Variants in BZW2 observed in about 807,000 individuals in gnomAD.
BZW2 encodes eIF5-mimic protein 1.
A neutral mutation model predicts 53.2 loss-of-function variants in BZW2; 23 were observed. The observed-to-expected ratio is 0.43, with a 90% confidence interval of 0.31 to 0.61. The LOEUF (loss-of-function observed/expected upper bound fraction) is 0.61, where lower values mean the gene tolerates loss of function less well. BZW2 is among the 20% of genes least tolerant of loss of function. BZW2 has a pLI of 0.09. For missense variants in BZW2, 409 were observed against 503.1 expected (o/e 0.81, Z 1.79); for synonymous variants, 227 against 186.4 (o/e 1.22, Z -1.77).
chr7:16,697,726 T>C (rs1783544759), intron 9 of BZW2, among the ~76,000 whole-genome samples: 1 of 152,216 alleles, frequency 6.6e-6, no homozygotes, highest in African/African-American at 2.4e-5. Context: ...ATATTAAAGA[T>C]AATTGCTGGC....
chr7:16,666,823 C>G (rs1260121435), intron 2 of BZW2, among the ~76,000 whole-genome samples: 1 of 152,154 alleles, frequency 6.6e-6, no homozygotes, highest in Non-Finnish European at 1.5e-5. Flanking sequence ...GAGACAAGGT[C>G]TTGCTATGTT....
intron 2 of BZW2, among the ~76,000 whole-genome samples, chr7:16,673,243 G>A (rs1782664088): frequency 6.6e-6 from 1 of 152,118 alleles, no homozygotes; most frequent in Non-Finnish European, 1.5e-5. Flanking sequence ...ACCACGCCCG[G>A]CCTTGTCTTA....
intron 2 of BZW2, among the ~76,000 whole-genome samples, chr7:16,672,677 A>G (rs1006008000): frequency 6.6e-6 from 1 of 152,172 alleles, no homozygotes; most frequent in African/African-American, 2.4e-5. Flanking sequence ...CTTTACCTTT[A>G]ATCCACTCAT....
intron 1 of BZW2, among the ~76,000 whole-genome samples, chr7:16,661,696 A>G (rs1228487934): frequency 2.0e-5 from 3 of 152,140 alleles, no homozygotes; most frequent in Non-Finnish European, 4.4e-5. Context: ...CAAGAAATGT[A>G]GTCTCTTAGG....
At chr7:16,679,954 G>A (rs920302017) in intron 3 of BZW2, among the ~76,000 whole-genome samples, 2 of 152,122 alleles carry the variant, frequency 1.3e-5, no homozygotes, top group African/African-American at 4.8e-5. Context: ...AGGACCCTTT[G>A]AATATGGAAA....
intron 10 of BZW2, among the ~76,000 whole-genome samples, chr7:16,700,320 A>C (rs1421143138): frequency 1.3e-5 from 2 of 152,164 alleles, no homozygotes; most frequent in African/African-American, 2.4e-5. Context: ...TACTGTGTTA[A>C]CTATGTTTAC....
intron 1 of BZW2, among the ~76,000 whole-genome samples, chr7:16,648,997 G>C (rs1429679625): frequency 2.0e-5 from 3 of 152,208 alleles, no homozygotes; most frequent in Middle Eastern, 3.4e-3. Context: ...TTTGTACATG[G>C]AGGATATTGA....
At chr7:16,673,810 T>C (rs898679454) in intron 2 of BZW2, among the ~76,000 whole-genome samples, 1 of 152,134 alleles carries the variant, frequency 6.6e-6, no homozygotes, top group Non-Finnish European at 1.5e-5. Flanking sequence ...GACCAAAAAG[T>C]TTAGCACATC....
chr7:16,705,306 CA>C (rs1783806643), intron 11 of BZW2, among the ~76,000 whole-genome samples: 2 of 137,516 alleles, frequency 1.5e-5, no homozygotes, highest in Non-Finnish European at 3.3e-5. Flanking sequence ...TGCAGTGAGC[CA>C]AGATTGCGCC....
rs374343456 is a variant in BZW2 at position 16,681,336 on chromosome 7, A to G, written c.271A>G (p.Thr91Ala). 10 of 1,613,944 alleles carry G rather than the reference A, an allele frequency of 6.2e-6. No individual in the cohort carries two copies. In the East Asian group the frequency reaches 6.7e-5, roughly 11 times the overall value. The part of the protein sequence containing the change: ...GGTRIDDGDK[T>A]KMTNHCVFSA... Reference sequence around the variant, plus strand: ...AACGCGCATAGATGATGGTGACAAGACCAAGATGACCAACCACTGTGTGTT... The same window carrying G: ...AACGCGCATAGATGATGGTGACAAGGCCAAGATGACCAACCACTGTGTGTT... The change falls in exon 4 of 12, where the codon ACC (threonine) becomes GCC (alanine). Residue 91 changes from threonine (T) to alanine (A), a missense_variant. Physicochemically the swap from Thr to Ala is moderately conservative, Grantham distance 58. Around this residue, in one of 3 missense-constraint regions of BZW2, gnomAD observed 316 missense variants for 366.8 expected, o/e 0.86. Transcript: ENST00000258761.
At chr7:16,669,049 A>G (rs1263487560) in intron 2 of BZW2, among the ~76,000 whole-genome samples, 1 of 152,234 alleles carries the variant, frequency 6.6e-6, no homozygotes, top group Non-Finnish European at 1.5e-5. Flanking sequence ...AAGAGAGAGA[A>G]AAAAAGGCCA....
At chr7:16,694,072 A>G (rs1164070080) in intron 7 of BZW2, among the ~76,000 whole-genome samples, 2 of 152,222 alleles carry the variant, frequency 1.3e-5, no homozygotes, top group Non-Finnish European at 2.9e-5. Flanking sequence ...TCTTAATTTC[A>G]TAGATGGGAG....
At chr7:16,704,457 G>T (rs2128372281) in intron 10 of BZW2, 90 bp from the exon 11 acceptor site, 5 of 1,272,248 alleles carry the variant, frequency 3.9e-6, no homozygotes, top group Non-Finnish European at 5.2e-6. Context: ...TATTTAAAAT[G>T]ATTGCTTTCT....
chr7:16,675,099 A>G (rs1003653260), intron 3 of BZW2, among the ~76,000 whole-genome samples: 3 of 152,200 alleles, frequency 2.0e-5, no homozygotes, highest in African/African-American at 7.2e-5. Context: ...ACAAAATAAA[A>G]GCTATACCTT....
intron 2 of BZW2, 29 bp from the exon 3 acceptor site, chr7:16,674,382 TG>T: frequency 2.0e-6 from 3 of 1,490,754 alleles, no homozygotes; most frequent in Non-Finnish European, 2.7e-6. Flanking sequence ...TTTATTTATT[TG>T]ACTGTTATTT....
intron 1 of BZW2, among the ~76,000 whole-genome samples, chr7:16,649,882 A>G (rs1345194530): frequency 6.6e-6 from 1 of 152,204 alleles, no homozygotes; most frequent in African/African-American, 2.4e-5. Flanking sequence ...GACTATGTTA[A>G]CAGTTGAAGA....
chr7:16,662,654 C>T (rs1366235621), intron 1 of BZW2, among the ~76,000 whole-genome samples: 3 of 152,074 alleles, frequency 2.0e-5, no homozygotes, highest in Non-Finnish European at 2.9e-5. Context: ...CAGTGGTGTG[C>T]GCCTGTAATC....
chr7:16,685,881 T>TTTTTTTTTTTTTTTTTC (rs1562491194), intron 5 of BZW2, 24 bp from the exon 6 acceptor site: 1 of 1,156,440 alleles, frequency 8.6e-7, no homozygotes, highest in Admixed American at 3.2e-5. Context: ...TTTTTCTTTT[T>TTTTTTTTTTTTTTTTTC]TTTTTTTTTT....
intron 1 of BZW2, among the ~76,000 whole-genome samples, chr7:16,655,443 A>G (rs1392225913): frequency 1.3e-5 from 2 of 152,184 alleles, no homozygotes; most frequent in African/African-American, 4.8e-5. Context: ...GTGTTTCCAT[A>G]TACATATACA....
Sources: allele counts gnomAD v4.1 joint callset (sites outside exome capture counted in the v4.1 genomes callset), GRCh38; gene constraint gnomAD v4.1.1; regional missense constraint gnomAD v4.1.1; transcripts MANE v1.5; gene names NCBI Gene and HGNC (gene_info 2026-07-23, HGNC 2026-07-21).